The following WASL variants were observed in gnomAD, a reference collection of about 807,000 sequenced individuals.
WASL encodes the protein WASP like actin nucleation promoting factor.
Under a neutral mutation model 55.5 loss-of-function variants are expected in WASL, and 20 were observed. The observed-to-expected ratio is 0.36, with a 90% CI of 0.25 to 0.52. The LOEUF (loss-of-function observed/expected upper bound fraction) is 0.52, where lower values mean the gene tolerates loss of function less well. WASL is among the 20% of genes least tolerant of loss of function. WASL has a pLI of 0.92. For missense variants in WASL, 504 were observed against 622.5 expected, an observed-to-expected ratio of 0.81 and a Z score of 2.03; for synonymous variants, 249 against 217.6, an observed-to-expected ratio of 1.14 and a Z score of -1.27.
chr7:123,730,771 A>G (rs1562965140), intron 1 of WASL, among the ~76,000 whole-genome samples: 1 of 152,214 alleles, frequency 6.6e-6, no homozygotes, highest in Non-Finnish European at 1.5e-5. Flanking sequence ...CCGACTCTAT[A>G]TAGTCTACAA....
At chr7:123,695,318 C>A (rs909551402) in intron 7 of WASL, among the ~76,000 whole-genome samples, 5 of 152,084 alleles carry the variant, frequency 3.3e-5, no homozygotes, top group African/African-American at 1.2e-4. Context: ...ACAAAAATAA[C>A]TAAAAATATT....
At chr7:123,727,173 G>A (rs1314326845) in intron 1 of WASL, among the ~76,000 whole-genome samples, 2 of 152,020 alleles carry the variant, frequency 1.3e-5, no homozygotes, top group African/African-American at 2.4e-5. Flanking sequence ...CAAAAGGACT[G>A]ACCACATAAA....
At chr7:123,692,975 G>A in intron 8 of WASL, 108 bp from the exon 9 acceptor site, 1 of 1,277,588 alleles carries the variant, frequency 7.8e-7, no homozygotes, top group Non-Finnish European at 1.0e-6. Context: ...TACCAAAAAA[G>A]GGTCTCATCT....
intron 1 of WASL, among the ~76,000 whole-genome samples, chr7:123,735,439 C>CT (rs576293162): frequency 4.8e-4 from 72 of 149,856 alleles, no homozygotes; most frequent in Middle Eastern, 3.5e-3. Flanking sequence ...CAGAAACTGA[C>CT]TCAGATGATA....
intron 1 of WASL, among the ~76,000 whole-genome samples, chr7:123,748,139 C>T (rs1804470661): frequency 6.6e-6 from 1 of 152,088 alleles, no homozygotes. Flanking sequence ...TCATTCCCTC[C>T]TGGAATCCTA....
intron 1 of WASL, among the ~76,000 whole-genome samples, chr7:123,737,152 T>C (rs184321198): frequency 6.6e-5 from 10 of 152,220 alleles, no homozygotes; most frequent in Non-Finnish European, 1.3e-4. Flanking sequence ...TGATGAACTT[T>C]TAAAAAATTG....
In WASL at chr7:123,715,325, G is replaced by T. The variant is rs115762413; in HGVS notation, c.118-6102C>A. Reference sequence around the variant, plus strand: ...CCTGGAATCAAAGACCACATAGAGAGCAAGGCCCTAGTCCATTTCAACTGT... The same window carrying T: ...CCTGGAATCAAAGACCACATAGAGATCAAGGCCCTAGTCCATTTCAACTGT... On this transcript the variant is annotated intron_variant, in intron 1 of 10. Coordinates refer to ENST00000223023, the MANE Select transcript of WASL (RefSeq NM_003941.4). Among the ~76,000 whole-genome samples the T allele has an allele frequency of 8.2e-3, 1,254 of 152,240 alleles. 19 individuals carry two copies. The highest frequency in any genetic ancestry group is 0.029 in the African/African-American group (1,189 of 41,536).
At position 123,694,943 on chromosome 7, in the gene WASL, T is replaced by C. The variant is rs534771297; in HGVS notation, c.673-75A>G. 1.3e-5 allele frequency: 19 copies of C among 1,468,942 alleles called. No homozygotes were observed. In the South Asian group the frequency reaches 2.4e-4, roughly 19 times the overall value. The allele number at this position is 1,468,942 out of a possible 1,614,324, so 91.0% of individuals were successfully genotyped here. A position where few individuals can be genotyped will look rare whatever the true frequency, so the allele number is the denominator to read the frequency against. ...AACATAATTTTAAGTCTCATCTGTG[T>C]CCTTCTGAAATTATTTTGCCTAAAC... On this transcript the variant is annotated intron_variant, in intron 7 of 10. Transcript: ENST00000223023.
chr7:123,698,376 T>C (rs886289458), intron 5 of WASL, among the ~76,000 whole-genome samples: 2 of 151,610 alleles, frequency 1.3e-5, no homozygotes, highest in African/African-American at 4.8e-5. Context: ...TTTATTTACA[T>C]GGGTAAATTG....
intron 2 of WASL, 81 bp downstream of exon 2, chr7:123,709,008 G>A: frequency 7.5e-7 from 1 of 1,324,708 alleles, no homozygotes; most frequent in Non-Finnish European, 1.0e-6. Flanking sequence ...TCACATATAG[G>A]ATAAACAAAT....
At chr7:123,715,904 T>C (rs996802262) in intron 1 of WASL, among the ~76,000 whole-genome samples, 6 of 152,342 alleles carry the variant, frequency 3.9e-5, no homozygotes, top group Middle Eastern at 3.4e-3. Context: ...ACCAGAAGGA[T>C]AATCATATAC....
chr7:123,699,201 T>C (rs1423396596), intron 5 of WASL, among the ~76,000 whole-genome samples: 3 of 151,968 alleles, frequency 2.0e-5, no homozygotes, highest in African/African-American at 4.8e-5. Flanking sequence ...CTGGCCAATA[T>C]GGTGAAACCG....
chr7:123,724,157 AC>A (rs1250166662), intron 1 of WASL, among the ~76,000 whole-genome samples: 2 of 152,170 alleles, frequency 1.3e-5, no homozygotes, highest in African/African-American at 4.8e-5. Flanking sequence ...ATATTTGAAA[AC>A]GTAACAGGTT....
intron 5 of WASL, among the ~76,000 whole-genome samples, chr7:123,701,589 T>C (rs181792372): frequency 6.6e-6 from 1 of 152,232 alleles, no homozygotes; most frequent in Non-Finnish European, 1.5e-5. Flanking sequence ...ACATAAAGTA[T>C]CTTTTTAATA....
intron 1 of WASL, among the ~76,000 whole-genome samples, chr7:123,721,870 G>T (rs954918047): frequency 1.2e-4 from 16 of 132,684 alleles, no homozygotes; most frequent in Admixed American, 1.5e-4. Flanking sequence ...AGTGAGCTGC[G>T]ATTGAGATTT....
intron 5 of WASL, among the ~76,000 whole-genome samples, chr7:123,702,184 T>C (rs1584860240): frequency 6.6e-6 from 1 of 151,878 alleles, no homozygotes; most frequent in Non-Finnish European, 1.5e-5. Flanking sequence ...GCCTCCCGAG[T>C]AGCTGGGATT....
intron 5 of WASL, among the ~76,000 whole-genome samples, chr7:123,701,758 T>C (rs1256423669): frequency 6.6e-6 from 1 of 152,286 alleles, no homozygotes; most frequent in East Asian, 1.9e-4. Context: ...TAAACAGTGG[T>C]CTCCACTTAG....
chr7:123,685,159 T>C (rs1033905294), intron 10 of WASL, among the ~76,000 whole-genome samples: 2 of 151,976 alleles, frequency 1.3e-5, no homozygotes, highest in African/African-American at 4.8e-5. Context: ...CTAGAGTCTA[T>C]TTGACTCAGA....
chr7:123,689,187 C>T (rs1392940139), intron 9 of WASL, 37 bp from the exon 10 acceptor site: 1 of 1,552,230 alleles, frequency 6.4e-7, no homozygotes, highest in African/African-American at 1.4e-5. Context: ...AGTAATAAAT[C>T]TTTAGCCAAG....
Sources: allele counts gnomAD v4.1 joint callset (sites outside exome capture counted in the v4.1 genomes callset), GRCh38; gene constraint gnomAD v4.1.1; transcripts MANE v1.5; gene names NCBI Gene and HGNC (gene_info 2026-07-23, HGNC 2026-07-21).